Variants in LPP observed in about 807,000 individuals in gnomAD.
LPP encodes lipoma-preferred partner.
In LPP, 38 loss-of-function variants were observed where a neutral mutation model predicts 60.4. The ratio of observed to expected loss-of-function variants is 0.63; its 90% confidence interval spans 0.49 to 0.83. The LOEUF (loss-of-function observed/expected upper bound fraction) is 0.83. LPP is among the 40% of genes least tolerant of loss of function. The pLI, the probability that LPP is intolerant of heterozygous loss-of-function variation, is 0.00. For missense variants in LPP, 902 were observed against 783.6 expected (o/e 1.15, Z -1.80); for synonymous variants, 328 against 290.8 (o/e 1.13, Z -1.30).
rs1195230103 is a variant in LPP at position 188,592,541 on chromosome 3, T to TTTTAG, written c.430-16616_430-16612dup. On this transcript the variant is annotated intron_variant, in intron 6 of 11. Coordinates refer to ENST00000617246, the MANE Select transcript of LPP (RefSeq NM_001375462.1). ...TATTTTCTACAATGAGTATCACTGTTTTTAGTTTTGTTTTTGTTTTTTAAA... is the reference window on the plus strand; with the variant it reads ...TATTTTCTACAATGAGTATCACTGTTTTTAGTTTAGTTTTGTTTTTGTTTTTTAAA... 6.3e-4 allele frequency among the ~76,000 whole-genome samples: 86 copies of TTTTAG among 135,494 alleles called. 2 individuals are homozygous for TTTTAG. The highest frequency in any genetic ancestry group is 2.1e-3 in the African/African-American group (78 of 37,804). 88.9% of individuals were successfully genotyped at this position (135,494 alleles called of 152,430 possible). A position where few individuals can be genotyped will look rare whatever the true frequency, so the allele number is the denominator to read the frequency against.
At position 188,217,333 on chromosome 3, in the gene LPP, G is replaced by T. The variant is rs1037008377; in HGVS notation, c.-189-8072G>T. ...AGGAGTTTGTGTTTGAGGAACAGAA[G>T]GAGACTGATGTGCTGGCAGGATGTG... is the stretch of plus-strand genomic sequence containing the variant. On this transcript the variant is annotated intron_variant, in intron 1 of 11. Coordinates refer to ENST00000617246, the MANE Select transcript of LPP (RefSeq NM_001375462.1). The surrounding 1 kb of genome is among the most constrained non-coding windows in gnomAD (Gnocchi z 4.0). 5.3e-5 allele frequency among the ~76,000 whole-genome samples: 8 copies of T among 152,172 alleles called. No individual in the cohort carries two copies. Among genetic ancestry groups the T allele is most frequent in the Non-Finnish European group, 1.0e-4 (7 of 68,024 alleles).
intron 7 of LPP, among the ~76,000 whole-genome samples, chr3:188,647,105 C>G (rs6764466): frequency 0.28 from 43,110 of 152,200 alleles, 6,615 homozygotes; most frequent in Non-Finnish European, 0.35. Flanking sequence ...AGTTGGAACC[C>G]CTGTTTTGAA....
intron 4 of LPP, among the ~76,000 whole-genome samples, chr3:188,433,218 G>C (rs933207469): frequency 6.6e-6 from 1 of 152,158 alleles, no homozygotes; most frequent in African/African-American, 2.4e-5. Context: ...GAACGTTATA[G>C]TGATGGATAC....
At position 188,760,299 on chromosome 3, in the gene LPP, TTCC is replaced by T; in HGVS notation, c.1410+20_1410+22del. On this transcript the variant is annotated intron_variant, in intron 9 of 11. Coordinates refer to ENST00000617246, the MANE Select transcript of LPP (RefSeq NM_001375462.1). ...TGCTACATTGTAAGTTCCAGATTTG[TTCC>T]TCAAGCACTTTGCAAAGATGTCTTC... The T allele has an allele frequency of 1.5e-5, 25 of 1,613,872 alleles. No individual in the cohort carries two copies. Among genetic ancestry groups the T allele is most frequent in the Non-Finnish European group, 1.9e-5 (23 of 1,179,832 alleles).
At chr3:188,600,523 ATAT>A (rs1457936752) in intron 6 of LPP, among the ~76,000 whole-genome samples, 5 of 151,880 alleles carry the variant, frequency 3.3e-5, no homozygotes, top group Admixed American at 6.6e-5. Context: ...ATTTTGATAC[ATAT>A]TATTATTTTT....
chr3:188,484,433 T>G (rs1805720675), intron 4 of LPP, among the ~76,000 whole-genome samples, 159 bp from the exon 5 acceptor site: 1 of 152,240 alleles, frequency 6.6e-6, no homozygotes, highest in Non-Finnish European at 1.5e-5. Flanking sequence ...AGACTACTAA[T>G]TAAGGCTACT....
intron 4 of LPP, among the ~76,000 whole-genome samples, chr3:188,480,627 C>T (rs1387203002): frequency 2.6e-5 from 4 of 152,090 alleles, no homozygotes; most frequent in South Asian, 2.1e-4. Flanking sequence ...TGCCAATTGC[C>T]GGATGGCATT....
chr3:188,236,021 C>T (rs753486011), intron 2 of LPP, among the ~76,000 whole-genome samples: 13 of 151,708 alleles, frequency 8.6e-5, no homozygotes, highest in African/African-American at 2.9e-4. Context: ...TTAACTCGAG[C>T]GTTTACTGAA....
At chr3:188,661,371 G>A (rs1469269098) in intron 7 of LPP, among the ~76,000 whole-genome samples, 4 of 152,152 alleles carry the variant, frequency 2.6e-5, no homozygotes, top group East Asian at 1.9e-4. Context: ...TGTGATTGCC[G>A]GATCGTATGG....
At chr3:188,685,641 C>G (rs1860543213) in intron 7 of LPP, among the ~76,000 whole-genome samples, 1 of 152,180 alleles carries the variant, frequency 6.6e-6, no homozygotes, top group Admixed American at 6.5e-5. Flanking sequence ...AACTGCTAAA[C>G]TTGCAGTCCT....
chr3:188,487,671 C>A (rs910803472), intron 5 of LPP, among the ~76,000 whole-genome samples: 1 of 152,160 alleles, frequency 6.6e-6, no homozygotes, highest in Admixed American at 6.5e-5. Context: ...GATGTGATAG[C>A]GGCTTGGTCC....
intron 2 of LPP, among the ~76,000 whole-genome samples, chr3:188,257,178 A>G (rs1163808053): frequency 6.6e-6 from 1 of 152,212 alleles, no homozygotes; most frequent in African/African-American, 2.4e-5. Flanking sequence ...ATGCACATAT[A>G]GTAAGACTTT....
chr3:188,764,798 C>T (rs138126480), intron 9 of LPP, among the ~76,000 whole-genome samples: 2 of 152,294 alleles, frequency 1.3e-5, no homozygotes, highest in Non-Finnish European at 2.9e-5. Context: ...TCCCCCAAAC[C>T]AGTGCTTTTA....
In LPP at chr3:188,875,696, A is replaced by C. The variant is rs1769172393; in HGVS notation, c.*1217A>C. The C allele has an allele frequency of 4.9e-6, 1 of 203,080 alleles. No individual in the cohort carries two copies. The allele number at this position is 203,080 out of a possible 1,614,324, so 12.6% of individuals were successfully genotyped here. ...TGTGACATTTACACCACACTTTCAA[A>C]GACAATCACTGAAACAAAAATTGTC... On this transcript the variant is annotated 3_prime_UTR_variant, in exon 12 of 12. Transcript: ENST00000617246.
At chr3:188,417,988 T>G (rs749229109) in intron 4 of LPP, among the ~76,000 whole-genome samples, 7 of 152,210 alleles carry the variant, frequency 4.6e-5, no homozygotes, top group Non-Finnish European at 8.8e-5. Flanking sequence ...AAAGAAGGAT[T>G]TTATTGTGAA....
At chr3:188,868,281 C>A (rs1357146815) in intron 10 of LPP, among the ~76,000 whole-genome samples, 2 of 152,122 alleles carry the variant, frequency 1.3e-5, no homozygotes, top group Non-Finnish European at 2.9e-5. Flanking sequence ...ATACATTACA[C>A]CCCTCAATTA....
At chr3:188,444,263 G>T (rs1354274725) in intron 4 of LPP, among the ~76,000 whole-genome samples, 1 of 151,272 alleles carries the variant, frequency 6.6e-6, no homozygotes, top group Non-Finnish European at 1.5e-5. Context: ...ATATAGGGCT[G>T]TAAGGGTTTG....
At chr3:188,652,742 T>TA (rs1189856930) in intron 7 of LPP, among the ~76,000 whole-genome samples, 1 of 152,080 alleles carries the variant, frequency 6.6e-6, no homozygotes, top group Non-Finnish European at 1.5e-5. Context: ...CTTTAAGAAA[T>TA]AATAATTAAA....
At chr3:188,280,536 G>A (rs1741581542) in intron 2 of LPP, among the ~76,000 whole-genome samples, 1 of 152,070 alleles carries the variant, frequency 6.6e-6, no homozygotes, top group African/African-American at 2.4e-5. Context: ...GAGGAAATAG[G>A]TATTATCAAA....
Sources: gnomAD v4.1 joint callset for allele counts (sites outside exome capture counted in the v4.1 genomes callset) on GRCh38, gnomAD v4.1.1 for gene constraint, Gnocchi (gnomAD v3.1) non-coding constraint, MANE v1.5 for transcripts, NCBI Gene and HGNC (gene_info 2026-07-23, HGNC 2026-07-21) for gene names.